Variants in CHD8 observed in about 807,000 individuals in gnomAD.
CHD8 encodes the protein ATP-dependent chromatin remodeler CHD8.
Under a neutral mutation model 279.2 loss-of-function variants are expected in CHD8, and 31 were observed. The ratio of observed to expected loss-of-function variants is 0.11; its 90% CI spans 0.08 to 0.15. The LOEUF is 0.15. Among genes scored for constraint, CHD8 ranks in the 10% least tolerant of loss-of-function variants. The pLI, the probability that CHD8 is intolerant of heterozygous loss-of-function variation, is 1.00. For missense variants in CHD8, 2,146 were observed against 3,230.5 expected (o/e 0.66, Z 8.14); for synonymous variants, 1,081 against 1,139.6 (o/e 0.95, Z 1.04).
intron 1 of CHD8, among the ~76,000 whole-genome samples, chr14:21,446,867 C>T (rs1041641531): frequency 5.3e-5 from 8 of 152,188 alleles, no homozygotes; most frequent in African/African-American, 1.9e-4. Context: ...GATTGAATAA[C>T]TGATTATATA....
At chr14:21,395,768 A>C (rs1887755358) in intron 28 of CHD8, 49 bp downstream of exon 28, 2 of 1,117,656 alleles carry the variant, frequency 1.8e-6, no homozygotes, top group Non-Finnish European at 2.7e-6. Context: ...TGAAGACTTA[A>C]AACTATTTAG....
At chr14:21,448,358 A>T (rs1890175553) in intron 1 of CHD8, among the ~76,000 whole-genome samples, 1 of 152,240 alleles carries the variant, frequency 6.6e-6, no homozygotes, top group Non-Finnish European at 1.5e-5. Flanking sequence ...TATTTCACAT[A>T]ATCTTATCTT....
chr14:21,393,429 G>T, intron 32 of CHD8, 47 bp downstream of exon 32: 1 of 1,510,842 alleles, frequency 6.6e-7, no homozygotes, highest in South Asian at 1.3e-5. Context: ...AAAGAGAAGA[G>T]AGGGGGAAAT....
In CHD8 at chr14:21,403,946, A is replaced by T. The variant is rs539688477; in HGVS notation, c.3308-283T>A. ...AAACCCCGTCTCTACTAACAATACA[A>T]AAATTAGCCAGGTGTGGTGGCGGAG... On this transcript the variant is annotated intron_variant, in intron 16 of 37. Coordinates refer to ENST00000646647, the MANE Select transcript of CHD8 (RefSeq NM_001170629.2). The surrounding 1 kb of genome is among the most constrained non-coding windows in gnomAD (Gnocchi z 4.3). 6.6e-6 allele frequency among the ~76,000 whole-genome samples: 1 copy of T among 152,146 alleles called. No individual in the cohort carries two copies. Among genetic ancestry groups the T allele is most frequent in the Non-Finnish European group, 1.5e-5 (1 of 68,010 alleles).
At chr14:21,450,835 A>C (rs1417194806) in intron 1 of CHD8, among the ~76,000 whole-genome samples, 2 of 150,188 alleles carry the variant, frequency 1.3e-5, no homozygotes, top group African/African-American at 2.5e-5. Context: ...TGTTATTAGG[A>C]AATTACTCAT....
chr14:21,449,087 T>C (rs938680395), intron 1 of CHD8, among the ~76,000 whole-genome samples: 1 of 151,846 alleles, frequency 6.6e-6, no homozygotes, highest in Admixed American at 6.6e-5. Flanking sequence ...GGCAGGAGAA[T>C]GGCGGGAACC....
intron 34 of CHD8, 87 bp from the exon 35 acceptor site, chr14:21,392,033 G>A: frequency 1.1e-6 from 1 of 950,946 alleles, no homozygotes; most frequent in South Asian, 1.3e-5. Context: ...TGGGCTATAG[G>A]TCATCCTCTT....
chr14:21,446,044 T>C (rs1032918552), intron 1 of CHD8, among the ~76,000 whole-genome samples: 2 of 151,586 alleles, frequency 1.3e-5, no homozygotes, highest in Non-Finnish European at 2.9e-5. Flanking sequence ...CTGCAAAAAT[T>C]AGCCAGGTGC....
At chr14:21,411,224 C>A (rs1888478834) in intron 10 of CHD8, among the ~76,000 whole-genome samples, 1 of 152,158 alleles carries the variant, frequency 6.6e-6, no homozygotes, top group Non-Finnish European at 1.5e-5. Context: ...GAGTAGCTAA[C>A]AACCTGCCCT....
Position 21,393,893 on chromosome 14 carries a change from G to A in CHD8, c.5902C>T (p.His1968Tyr), listed in dbSNP as rs1887656779. Reference sequence around the variant, plus strand: ...GATGGAGCTGGTGCTCCTGCTTGATGGTTCTGCATATAATTCATACGGGCA... The same window carrying A: ...GATGGAGCTGGTGCTCCTGCTTGATAGTTCTGCATATAATTCATACGGGCA... ...LAARMNYMQN[H>Y]QAGAPAPSLS... Residue 1968 changes from histidine (H) to tyrosine (Y), a missense_variant, in exon 32 of 38, where the codon CAT becomes TAT. Coordinates refer to ENST00000646647, the MANE Select transcript of CHD8 (RefSeq NM_001170629.2). 1 of 1,613,872 alleles carries A rather than the reference G, an allele frequency of 6.2e-7. No homozygotes were observed. The highest frequency in any genetic ancestry group is 1.7e-5 in the Admixed American group (1 of 60,002).
At chr14:21,447,368 T>C (rs1185658249) in intron 1 of CHD8, among the ~76,000 whole-genome samples, 1 of 151,486 alleles carries the variant, frequency 6.6e-6, no homozygotes, top group African/African-American at 2.4e-5. Context: ...GATGACACTA[T>C]ATCCCTTTTT....
Position 21,385,367 on chromosome 14 carries a change from C to G in CHD8, c.*246G>C. The G allele has an allele frequency of 1.7e-6, 1 of 574,514 alleles. No homozygotes were observed. The highest frequency in any genetic ancestry group is 2.9e-6 in the Non-Finnish European group (1 of 339,880). The allele number at this position is 574,514 out of a possible 1,614,324, so 35.6% of individuals were successfully genotyped here. ...TAGGGAGGGGTGAGCACACCAGCTGCTCTAGTCTCCTTTCCTTCCCCAGAA... is the reference window on the plus strand; with the variant it reads ...TAGGGAGGGGTGAGCACACCAGCTGGTCTAGTCTCCTTTCCTTCCCCAGAA... On this transcript the variant is annotated 3_prime_UTR_variant, in exon 38 of 38. Transcript: ENST00000646647.
chr14:21,429,414 AT>A (rs1889467964), intron 2 of CHD8, 79 bp from the exon 3 acceptor site: 1 of 1,424,788 alleles, frequency 7.0e-7, no homozygotes, highest in African/African-American at 1.4e-5. Flanking sequence ...AGTTTTCTTC[AT>A]GCTAGAATCA....
chr14:21,447,725 T>A (rs1890162019), intron 1 of CHD8, among the ~76,000 whole-genome samples: 1 of 152,028 alleles, frequency 6.6e-6, no homozygotes. Flanking sequence ...CTTTTTTTTT[T>A]TCTAAGTCAA....
chr14:21,415,509 AT>A, intron 7 of CHD8, 64 bp downstream of exon 7: 1 of 787,418 alleles, frequency 1.3e-6, no homozygotes. Context: ...TATTTCAAAA[AT>A]AAATAAATAA....
chr14:21,416,757 G>T (rs1184878240), intron 5 of CHD8, among the ~76,000 whole-genome samples: 1 of 152,070 alleles, frequency 6.6e-6, no homozygotes, highest in African/African-American at 2.4e-5. Context: ...CATATAATCA[G>T]CCAGAAAATA....
At chr14:21,418,694 C>T (rs1184555353) in intron 5 of CHD8, among the ~76,000 whole-genome samples, 1 of 151,924 alleles carries the variant, frequency 6.6e-6, no homozygotes, top group Non-Finnish European at 1.5e-5. Flanking sequence ...CAGGCGCCTG[C>T]AGTACCAGCT....
intron 1 of CHD8, among the ~76,000 whole-genome samples, chr14:21,433,387 T>C (rs1889644424): frequency 6.6e-6 from 1 of 152,154 alleles, no homozygotes; most frequent in African/African-American, 2.4e-5. Context: ...CCCAAATATA[T>C]GAAAAAGAAA....
At chr14:21,392,070 A>G (rs1887567568) in intron 34 of CHD8, 124 bp from the exon 35 acceptor site, 4 of 788,372 alleles carry the variant, frequency 5.1e-6, no homozygotes, top group African/African-American at 1.7e-5. Context: ...AAGGAAGGCC[A>G]TCTGACTAAA....
Sources: allele counts gnomAD v4.1 joint callset (sites outside exome capture counted in the v4.1 genomes callset), GRCh38; gene constraint gnomAD v4.1.1; non-coding constraint Gnocchi (gnomAD v3.1); transcripts MANE v1.5; gene names NCBI Gene and HGNC (gene_info 2026-07-23, HGNC 2026-07-21).